VPS13B: variants seen among roughly 807,000 people sequenced by gnomAD.
The protein encoded by VPS13B is vacuolar protein sorting 13 homolog B.
VPS13B carries 285 observed loss-of-function variants against 426.4 expected under a neutral mutation model. The ratio of observed to expected loss-of-function variants is 0.67; its 90% confidence interval spans 0.61 to 0.74. VPS13B has a LOEUF of 0.74. VPS13B is among the 30% of genes least tolerant of loss of function. The probability of loss-of-function intolerance (pLI) is 0.00; values close to 1 mark genes in which losing one functional copy is unlikely to be tolerated. For missense variants in VPS13B, 4,537 were observed against 4,782.6 expected (o/e 0.95, Z 1.51); for synonymous variants, 1,676 against 1,676.4 (o/e 1.00, Z 0.01).
intron 33 of VPS13B, among the ~76,000 whole-genome samples, chr8:99,598,492 T>G (rs1008487066): frequency 1.3e-5 from 2 of 152,060 alleles, no homozygotes; most frequent in Non-Finnish European, 2.9e-5. Flanking sequence ...AGTAATCATC[T>G]TATTAAGTCT....
At chr8:99,709,653 A>G (rs1422584455) in intron 36 of VPS13B, among the ~76,000 whole-genome samples, 1 of 152,206 alleles carries the variant, frequency 6.6e-6, no homozygotes, top group Admixed American at 6.5e-5. Context: ...AGAAAAGTCA[A>G]CAGAAAAAAT....
At chr8:99,298,327 A>G (rs1339985648) in intron 19 of VPS13B, among the ~76,000 whole-genome samples, 1 of 152,210 alleles carries the variant, frequency 6.6e-6, no homozygotes, top group East Asian at 1.9e-4. Context: ...CGTCTCTACT[A>G]AAAACACAAA....
chr8:99,124,377 A>G (rs1439426352), intron 8 of VPS13B, among the ~76,000 whole-genome samples: 1 of 152,204 alleles, frequency 6.6e-6, no homozygotes, highest in African/African-American at 2.4e-5. Flanking sequence ...CAAAAAATTA[A>G]ACGTAGAATT....
At chr8:99,042,095 G>A (rs537693009) in intron 3 of VPS13B, among the ~76,000 whole-genome samples, 20 of 151,220 alleles carry the variant, frequency 1.3e-4, no homozygotes, top group African/African-American at 7.3e-5. Context: ...TGCAGAGGCC[G>A]CGCCATTGCA....
At chr8:99,775,132 C>T (rs1176160464) in intron 40 of VPS13B, among the ~76,000 whole-genome samples, 2 of 152,184 alleles carry the variant, frequency 1.3e-5, no homozygotes, top group Non-Finnish European at 1.5e-5. Flanking sequence ...TGTGTTTCCA[C>T]CCTGGCAGCA....
chr8:99,766,890 G>C lies in VPS13B; in HGVS notation c.7167G>C (p.Val2389=). The C allele has an allele frequency of 6.2e-7, 1 of 1,614,042 alleles. No homozygotes were observed. The highest frequency in any genetic ancestry group is 8.5e-7 in the Non-Finnish European group (1 of 1,179,974). The change falls in exon 40 of 62, where the codon GTG becomes GTC. Residue 2389 remains valine (V), a synonymous_variant. Transcript: ENST00000357162. Reference sequence around the variant, plus strand: ...TGCAGTTGCCGGATATCAATCTCGTGAATGACCAGAAGAAATTAGTATCTT... The same window carrying C: ...TGCAGTTGCCGGATATCAATCTCGTCAATGACCAGAAGAAATTAGTATCTT... ...CELQLPDINL[V]NDQKKLVSSD...
At chr8:99,651,401 A>AT (rs1454196242) in intron 34 of VPS13B, among the ~76,000 whole-genome samples, 1 of 152,090 alleles carries the variant, frequency 6.6e-6, no homozygotes, top group Non-Finnish European at 1.5e-5. Flanking sequence ...ATCAACTTGA[A>AT]TTTTTAATGA....
At chr8:99,400,625 T>A (rs1042641506) in intron 21 of VPS13B, among the ~76,000 whole-genome samples, 4 of 152,186 alleles carry the variant, frequency 2.6e-5, no homozygotes, top group Non-Finnish European at 5.9e-5. Flanking sequence ...TTTTAATACA[T>A]CAGTAATGTT....
intron 3 of VPS13B, among the ~76,000 whole-genome samples, chr8:99,082,563 C>T (rs981380909): frequency 5.3e-5 from 8 of 152,114 alleles, no homozygotes; most frequent in African/African-American, 1.9e-4. Flanking sequence ...ATGGTATTGC[C>T]TAGGTTTTCT....
At chr8:99,706,174 C>A (rs1365457516) in intron 36 of VPS13B, among the ~76,000 whole-genome samples, 1 of 152,122 alleles carries the variant, frequency 6.6e-6, no homozygotes, top group Non-Finnish European at 1.5e-5. Context: ...ACCACCACCA[C>A]CGCAACCAAT....
chr8:99,778,561 A>G, intron 41 of VPS13B, 121 bp from the exon 42 acceptor site: 1 of 877,348 alleles, frequency 1.1e-6, no homozygotes, highest in Non-Finnish European at 1.8e-6. Context: ...TGAATTTATT[A>G]AACACCAAAA....
At chr8:99,234,101 T>C in intron 17 of VPS13B, 1 of 786,200 alleles carries the variant, frequency 1.3e-6, no homozygotes, top group South Asian at 1.3e-5. Flanking sequence ...GGGCGTGACC[T>C]TGCTCCCGGA....
At chr8:99,051,244 A>G (rs1278816096) in intron 3 of VPS13B, among the ~76,000 whole-genome samples, 3 of 152,218 alleles carry the variant, frequency 2.0e-5, no homozygotes, top group Non-Finnish European at 4.4e-5. Context: ...AGCTTTCTAC[A>G]TATGGCTAGC....
chr8:99,096,465 T>A (rs1359930362), intron 4 of VPS13B, 33 bp downstream of exon 4: 1 of 1,612,714 alleles, frequency 6.2e-7, no homozygotes, highest in Non-Finnish European at 8.5e-7. Flanking sequence ...AAACCAAATT[T>A]CAATTTTTGG....
chr8:99,728,213 G>C (rs917002269), intron 39 of VPS13B, among the ~76,000 whole-genome samples: 12 of 152,328 alleles, frequency 7.9e-5, no homozygotes, highest in Middle Eastern at 3.4e-3. Context: ...AATTTTCTGA[G>C]ACTCTAGGAC....
At chr8:99,210,189 T>C (rs1019129057) in intron 17 of VPS13B, among the ~76,000 whole-genome samples, 29 of 152,220 alleles carry the variant, frequency 1.9e-4, no homozygotes, top group Non-Finnish European at 2.6e-4. Context: ...CCATTTTATT[T>C]ATTTACTTCT....
At chr8:99,794,794 C>T (rs1353167326) in intron 43 of VPS13B, among the ~76,000 whole-genome samples, 2 of 152,186 alleles carry the variant, frequency 1.3e-5, no homozygotes, top group Admixed American at 1.3e-4. Context: ...ACAAAATTAA[C>T]ACCCATGTAT....
At chr8:99,388,737 C>T (rs369736398) in intron 20 of VPS13B, among the ~76,000 whole-genome samples, 76 of 152,198 alleles carry the variant, frequency 5.0e-4, no homozygotes, top group African/African-American at 1.8e-3. Context: ...TATTAGCAGT[C>T]ATTCAACAAA....
At chr8:99,416,726 G>A (rs1032681297) in intron 21 of VPS13B, among the ~76,000 whole-genome samples, 1 of 152,040 alleles carries the variant, frequency 6.6e-6, no homozygotes, top group African/African-American at 2.4e-5. Context: ...CCTTGCTTCG[G>A]CTCACCCTCC....
Sources: allele counts gnomAD v4.1 joint callset (sites outside exome capture counted in the v4.1 genomes callset), GRCh38; gene constraint gnomAD v4.1.1; transcripts MANE v1.5; gene names NCBI Gene and HGNC (gene_info 2026-07-23, HGNC 2026-07-21).